The following ANKFN1 variants were observed in gnomAD, a reference collection of about 807,000 sequenced individuals.
ANKFN1 encodes ankyrin repeat and fibronectin type-III domain-containing protein 1.
ANKFN1 carries 74 observed loss-of-function variants against 108.7 expected under a neutral mutation model. The ratio of observed to expected loss-of-function variants is 0.68; its 90% CI spans 0.56 to 0.83. The LOEUF (loss-of-function observed/expected upper bound fraction) is 0.83. Ranked by LOEUF, ANKFN1 falls within the 40% of genes least tolerant of loss-of-function variation. ANKFN1 has a pLI of 0.00. For synonymous variants in ANKFN1, 547 were observed against 516.2 expected (o/e 1.06, Z -0.81); for missense variants, 1,505 against 1,382.3 (o/e 1.09, Z -1.41).
At chr17:56,386,384 A>G (rs1209480138) in intron 8 of ANKFN1, among the ~76,000 whole-genome samples, 1 of 152,036 alleles carries the variant, frequency 6.6e-6, no homozygotes, top group African/African-American at 2.4e-5. Flanking sequence ...TGACAAGTTA[A>G]TGGGTGCAGC....
intron 15 of ANKFN1, among the ~76,000 whole-genome samples, chr17:56,475,590 T>C (rs1440152022): frequency 6.6e-6 from 1 of 152,336 alleles, no homozygotes; most frequent in South Asian, 2.1e-4. Context: ...CCCTTTACCT[T>C]ACCCTTTTAA....
At chr17:56,483,021 A>G (rs2050761617) in intron 18 of ANKFN1, among the ~76,000 whole-genome samples, 1 of 152,178 alleles carries the variant, frequency 6.6e-6, no homozygotes, top group Admixed American at 6.5e-5. Context: ...AGGGGAAAAA[A>G]GCCTACAATT....
intron 2 of ANKFN1, chr17:56,215,733 A>G (rs913578861): frequency 6.6e-6 from 1 of 152,234 alleles, no homozygotes; most frequent in Non-Finnish European, 1.5e-5. Flanking sequence ...CTCTGCTGTC[A>G]CTGTCTTGAA....
At chr17:56,311,463 T>C (rs9903956) in intron 3 of ANKFN1, among the ~76,000 whole-genome samples, 79,336 of 152,110 alleles carry the variant, frequency 0.52, 21,845 homozygotes, top group East Asian at 0.92. Context: ...GCCAATGTGA[T>C]GCTACAAACT....
At chr17:56,200,363 T>C (rs1913938478) in intron 1 of ANKFN1, among the ~76,000 whole-genome samples, 2 of 152,250 alleles carry the variant, frequency 1.3e-5, no homozygotes, top group South Asian at 4.1e-4. Context: ...GACTCTGCCA[T>C]GAATTGGCTA....
intron 4 of ANKFN1, among the ~76,000 whole-genome samples, chr17:56,066,253 C>G (rs1014581895): frequency 4.6e-5 from 7 of 152,224 alleles, no homozygotes; most frequent in Admixed American, 3.9e-4. Flanking sequence ...AGAAATATCA[C>G]CATTGGGGAA....
intron 2 of ANKFN1, among the ~76,000 whole-genome samples, chr17:56,215,116 T>C (rs1915328588): frequency 6.6e-6 from 1 of 152,244 alleles, no homozygotes; most frequent in African/African-American, 2.4e-5. Flanking sequence ...AACTCCTGCC[T>C]CTGGTATAGA....
At chr17:56,118,603 T>C (rs1906417075) in intron 4 of ANKFN1, among the ~76,000 whole-genome samples, 1 of 152,202 alleles carries the variant, frequency 6.6e-6, no homozygotes, top group Admixed American at 6.5e-5. Flanking sequence ...TGTTCAAGTA[T>C]GTTACATGTG....
intron 8 of ANKFN1, among the ~76,000 whole-genome samples, chr17:56,413,292 G>A (rs1207492472): frequency 6.6e-6 from 1 of 152,164 alleles, no homozygotes; most frequent in Non-Finnish European, 1.5e-5. Context: ...AGACTTTGCT[G>A]AAGTCGTTTA....
At chr17:56,219,263 T>C (rs888353240) in intron 2 of ANKFN1, among the ~76,000 whole-genome samples, 1 of 152,120 alleles carries the variant, frequency 6.6e-6, no homozygotes, top group Non-Finnish European at 1.5e-5. Flanking sequence ...ATTTTTTTTT[T>C]TGATACAGAG....
intron 4 of ANKFN1, among the ~76,000 whole-genome samples, chr17:56,059,368 C>T (rs1229216003): frequency 2.0e-5 from 3 of 152,060 alleles, no homozygotes; most frequent in Non-Finnish European, 4.4e-5. Flanking sequence ...AAATGTTCTC[C>T]CATTCTGTAG....
chr17:56,371,154 G>T (rs934616898), intron 6 of ANKFN1, among the ~76,000 whole-genome samples: 1 of 152,086 alleles, frequency 6.6e-6, no homozygotes, highest in Admixed American at 6.5e-5. Context: ...TTAAAAAAAA[G>T]TGTGACAGTA....
intron 4 of ANKFN1, among the ~76,000 whole-genome samples, chr17:56,079,563 A>G (rs965686987): frequency 6.6e-6 from 1 of 152,144 alleles, no homozygotes; most frequent in Non-Finnish European, 1.5e-5. Context: ...GAGAGGAAAG[A>G]CCCATGTGAA....
chr17:56,152,260 ATATGTG>A (rs1206049267), upstream of ANKFN1, among the ~76,000 whole-genome samples: 2,030 of 128,598 alleles, frequency 0.016, 19 homozygotes, highest in African/African-American at 0.027. Flanking sequence ...ATATATATAT[ATATGTG>A]TGTGTGTGTG....
intron 6 of ANKFN1, chr17:56,368,275 A>AGTTTTTTTTTT: frequency 3.2e-5 from 1 of 31,328 alleles, no homozygotes; most frequent in Non-Finnish European, 1.0e-4. Context: ...CTGAAAATGA[A>AGTTTTTTTTTT]CTTTTTTTTT....
intron 4 of ANKFN1, among the ~76,000 whole-genome samples, chr17:56,116,078 A>C (rs1906249431): frequency 6.6e-6 from 1 of 152,122 alleles, no homozygotes; most frequent in Non-Finnish European, 1.5e-5. Flanking sequence ...CACCTCTCCA[A>C]AGTCTTTCCT....
chr17:56,452,072 A>G (rs1486100431), intron 11 of ANKFN1, among the ~76,000 whole-genome samples: 1 of 152,254 alleles, frequency 6.6e-6, no homozygotes, highest in Non-Finnish European at 1.5e-5. Flanking sequence ...ACTGATGTAC[A>G]TAATGAATTA....
At chr17:56,469,253 C>A (rs1350040430) in intron 15 of ANKFN1, among the ~76,000 whole-genome samples, 1 of 148,216 alleles carries the variant, frequency 6.7e-6, no homozygotes, top group Admixed American at 6.9e-5. Flanking sequence ...CCCCCTACTT[C>A]TTCTCTCTCC....
At chr17:56,331,378 C>CTTGAA (rs2045658537) in intron 4 of ANKFN1, among the ~76,000 whole-genome samples, 1 of 152,162 alleles carries the variant, frequency 6.6e-6, no homozygotes, top group African/African-American at 2.4e-5. Context: ...GTTAGAACTC[C>CTTGAA]TATTTTGAAT....
Sources: gnomAD v4.1 joint callset for allele counts (sites outside exome capture counted in the v4.1 genomes callset) on GRCh38, gnomAD v4.1.1 for gene constraint, MANE v1.5 for transcripts, NCBI Gene and HGNC (gene_info 2026-07-23, HGNC 2026-07-21) for gene names.